Variants in SCFD2 observed in about 807,000 individuals in gnomAD.
SCFD2 encodes the protein sec1 family domain-containing protein 2.
In SCFD2, 54 loss-of-function variants were observed where a neutral mutation model predicts 58.9. That is an observed-to-expected ratio of 0.92 (90% CI 0.74 to 1.15). The LOEUF (loss-of-function observed/expected upper bound fraction) is 1.15. Ranked by LOEUF, SCFD2 falls within the 50% of genes most tolerant of loss-of-function variation. The pLI is 0.00. For missense variants in SCFD2, 805 were observed against 836.6 expected (o/e 0.96, Z 0.47); for synonymous variants, 321 against 335.9 (o/e 0.96, Z 0.49).
chr4:53,102,565 G>T (rs1399670512), intron 5 of SCFD2, among the ~76,000 whole-genome samples: 5 of 151,318 alleles, frequency 3.3e-5, no homozygotes, highest in South Asian at 2.1e-4. Flanking sequence ...CTAGAAAATG[G>T]GCAAAAGACA....
chr4:52,887,967 G>A (rs1243176203), intron 7 of SCFD2, among the ~76,000 whole-genome samples: 1 of 136,182 alleles, frequency 7.3e-6, no homozygotes, highest in African/African-American at 2.9e-5. Flanking sequence ...GCGGACTGCA[G>A]TGGTGCGATC....
At chr4:53,346,539 G>A (rs753478037) in intron 2 of SCFD2, among the ~76,000 whole-genome samples, 3 of 152,004 alleles carry the variant, frequency 2.0e-5, no homozygotes, top group African/African-American at 4.8e-5. Flanking sequence ...CTCCCAAAGC[G>A]CTGGGATTAC....
At chr4:53,035,968 T>C (rs1722748209) in intron 5 of SCFD2, among the ~76,000 whole-genome samples, 1 of 152,192 alleles carries the variant, frequency 6.6e-6, no homozygotes, top group African/African-American at 2.4e-5. Context: ...AGCAATCCCA[T>C]TACTAGGTAT....
intron 4 of SCFD2, among the ~76,000 whole-genome samples, chr4:53,229,399 C>T (rs1287388751): frequency 2.0e-5 from 3 of 152,184 alleles, no homozygotes; most frequent in Non-Finnish European, 4.4e-5. Flanking sequence ...ACCAAAACAG[C>T]ATGGTACTGT....
At chr4:53,333,595 T>C (rs1431022687) in intron 2 of SCFD2, among the ~76,000 whole-genome samples, 3 of 151,052 alleles carry the variant, frequency 2.0e-5, no homozygotes, top group Non-Finnish European at 3.0e-5. Context: ...ATACAAAAAT[T>C]AATTCAAGAT....
At chr4:53,185,898 G>A (rs781136079) in intron 4 of SCFD2, among the ~76,000 whole-genome samples, 29 of 151,990 alleles carry the variant, frequency 1.9e-4, no homozygotes, top group Non-Finnish European at 3.4e-4. Context: ...GATGCAACAT[G>A]GATAACTTTG....
intron 2 of SCFD2, among the ~76,000 whole-genome samples, chr4:53,323,121 G>A (rs1412990256): frequency 1.3e-5 from 2 of 152,170 alleles, no homozygotes; most frequent in Non-Finnish European, 2.9e-5. Context: ...AAGCTTCAAA[G>A]CCTTGGAAAA....
intron 8 of SCFD2, among the ~76,000 whole-genome samples, chr4:52,883,680 T>C (rs1159527175): frequency 2.0e-5 from 3 of 152,184 alleles, no homozygotes; most frequent in African/African-American, 7.2e-5. Flanking sequence ...AAGAATTTGG[T>C]TCACCACGTT....
chr4:53,154,702 C>T (rs549978976), intron 4 of SCFD2, among the ~76,000 whole-genome samples: 1 of 152,338 alleles, frequency 6.6e-6, no homozygotes, highest in African/African-American at 2.4e-5. Context: ...GATACTCTAT[C>T]TGACAAAAGG....
intron 4 of SCFD2, 130 bp downstream of exon 4, chr4:53,273,696 T>TAG: frequency 1.2e-6 from 1 of 815,078 alleles, no homozygotes; most frequent in Non-Finnish European, 1.8e-6. Flanking sequence ...AGGGGGCACT[T>TAG]AGAGAATATG....
At position 53,145,361 on chromosome 4, in the gene SCFD2, T is replaced by A; in HGVS notation, c.1533A>T (p.Gly511=). 1 of 1,614,168 alleles carries A rather than the reference T, an allele frequency of 6.2e-7. No individual in the cohort carries two copies. Among genetic ancestry groups the A allele is most frequent in the Non-Finnish European group, 8.5e-7 (1 of 1,180,022 alleles). Residue 511 remains glycine, a synonymous_variant, in exon 5 of 9, where the codon GGA becomes GGT. Transcript: ENST00000401642. ...ALAQVFCEES[G]LSPLLQKITD... is the part of the protein sequence containing the mutation. ...TAATTTTTTGCAGCAAAGGTGACAA[T>A]CCAGATTCCTCACAGAAGACCTGAG...
rs117650506 is a variant in SCFD2, at chr4:52,904,224, T to C, written c.1842+3233A>G. Among the ~76,000 whole-genome samples the C allele has an allele frequency of 1.5e-3, 234 of 152,352 alleles. 8 individuals carry two copies. In the East Asian group the frequency reaches 0.042, roughly 27 times the overall value. On this transcript the variant is annotated intron_variant, in intron 7 of 8. Transcript: ENST00000401642. The stretch of plus-strand genomic sequence containing the variant: ...GACAGAGATGGATGAGCGGCTCAGC[T>C]AGAGCCTTTCAAGTTCTAGAATTAT...
intron 5 of SCFD2, among the ~76,000 whole-genome samples, chr4:52,945,263 A>G (rs1242470241): frequency 6.6e-6 from 1 of 152,168 alleles, no homozygotes; most frequent in Non-Finnish European, 1.5e-5. Flanking sequence ...TTTAAATTTC[A>G]TTCGAGATCA....
intron 5 of SCFD2, among the ~76,000 whole-genome samples, chr4:53,094,618 T>G (rs1451226266): frequency 3.3e-5 from 5 of 152,086 alleles, no homozygotes; most frequent in Admixed American, 1.3e-4. Flanking sequence ...CATAACAAAG[T>G]ATTGGCAACT....
chr4:53,076,260 A>G (rs1421319143), intron 5 of SCFD2, among the ~76,000 whole-genome samples: 1 of 149,842 alleles, frequency 6.7e-6, no homozygotes, highest in Non-Finnish European at 1.5e-5. Flanking sequence ...TATATACAAA[A>G]ACATTCAGTT....
chr4:53,227,502 G>A (rs1179016486), intron 4 of SCFD2, among the ~76,000 whole-genome samples: 2 of 152,084 alleles, frequency 1.3e-5, no homozygotes, highest in Non-Finnish European at 2.9e-5. Flanking sequence ...GTATAAAAAC[G>A]GCTAAGATTT....
chr4:53,034,368 T>C (rs1435201492), intron 5 of SCFD2, among the ~76,000 whole-genome samples: 1 of 152,144 alleles, frequency 6.6e-6, no homozygotes, highest in African/African-American at 2.4e-5. Context: ...ACCAATATCA[T>C]ACTGAATGGG....
At chr4:53,214,832 A>G (rs1311263938) in intron 4 of SCFD2, among the ~76,000 whole-genome samples, 1 of 152,112 alleles carries the variant, frequency 6.6e-6, no homozygotes, top group Admixed American at 6.5e-5. Context: ...TTTTTGTATA[A>G]GATGTAAGGA....
chr4:53,228,334 C>T (rs1729295708), intron 4 of SCFD2, among the ~76,000 whole-genome samples: 1 of 152,124 alleles, frequency 6.6e-6, no homozygotes, highest in South Asian at 2.1e-4. Flanking sequence ...AAGATTGATA[C>T]ATTTCTGACA....
Sources: gnomAD v4.1 joint callset for allele counts (sites outside exome capture counted in the v4.1 genomes callset) on GRCh38, gnomAD v4.1.1 for gene constraint, MANE v1.5 for transcripts, NCBI Gene and HGNC (gene_info 2026-07-23, HGNC 2026-07-21) for gene names.